NKAIN3: variants seen among roughly 807,000 people sequenced by gnomAD.
NKAIN3 encodes sodium/potassium transporting ATPase interacting 3, also known as sodium/potassium-transporting ATPase subunit beta-1-interacting protein 3.
Under a neutral mutation model 30.2 loss-of-function variants are expected in NKAIN3, and 25 were observed. The observed-to-expected ratio is 0.83, with a 90% CI of 0.60 to 1.16. The LOEUF is 1.16. Ranked by LOEUF, NKAIN3 falls within the 50% of genes most tolerant of loss-of-function variation. The probability of loss-of-function intolerance (pLI) is 0.00; values close to 1 mark genes in which losing one functional copy is unlikely to be tolerated. For synonymous variants in NKAIN3, 91 were observed against 89.6 expected (o/e 1.02, Z -0.09); for missense variants, 225 against 254.1 (o/e 0.89, Z 0.78).
intron 1 of NKAIN3, among the ~76,000 whole-genome samples, chr8:62,497,432 A>T (rs547922046): frequency 1.3e-3 from 195 of 149,044 alleles, no homozygotes; most frequent in African/African-American, 4.6e-3. Flanking sequence ...AGTATAACCT[A>T]TTTTTTTTTT....
intron 3 of NKAIN3, among the ~76,000 whole-genome samples, chr8:62,619,699 A>T (rs552602501): frequency 2.3e-5 from 1 of 44,042 alleles, no homozygotes; most frequent in African/African-American, 5.4e-4. Context: ...CAAATATTGT[A>T]AAAAAAAAAA....
chr8:62,955,740 T>C (rs1823402574), intron 6 of NKAIN3, among the ~76,000 whole-genome samples: 1 of 152,180 alleles, frequency 6.6e-6, no homozygotes, highest in African/African-American at 2.4e-5. Flanking sequence ...GGCAAGTGAC[T>C]TCCACTTATG....
At chr8:62,662,335 C>T (rs1440654044) in intron 3 of NKAIN3, among the ~76,000 whole-genome samples, 3 of 152,294 alleles carry the variant, frequency 2.0e-5, no homozygotes, top group South Asian at 2.1e-4. Flanking sequence ...ACATTCTCAT[C>T]GTGTTCATGG....
chr8:62,602,233 A>G (rs925524377), intron 3 of NKAIN3, among the ~76,000 whole-genome samples: 1 of 152,086 alleles, frequency 6.6e-6, no homozygotes, highest in African/African-American at 2.4e-5. Context: ...TGAATATATT[A>G]TTCTATCAAC....
intron 1 of NKAIN3, among the ~76,000 whole-genome samples, chr8:62,412,401 G>C (rs543961635): frequency 6.6e-6 from 1 of 152,016 alleles, no homozygotes; most frequent in African/African-American, 2.4e-5. Context: ...GATTGAAGCT[G>C]GACCCCTACC....
intron 5 of NKAIN3, among the ~76,000 whole-genome samples, chr8:62,948,654 A>T (rs892226294): frequency 5.9e-5 from 9 of 152,238 alleles, no homozygotes; most frequent in African/African-American, 2.2e-4. Context: ...ATGAAAGCAA[A>T]GTCCTTATCA....
intron 1 of NKAIN3, among the ~76,000 whole-genome samples, chr8:62,461,707 G>A (rs898511088): frequency 1.3e-5 from 2 of 152,138 alleles, no homozygotes; most frequent in African/African-American, 4.8e-5. Context: ...TCAGAGTTGA[G>A]CCAATAGAAG....
chr8:62,288,405 CG>C (rs1322528295), intron 1 of NKAIN3, among the ~76,000 whole-genome samples: 2 of 152,082 alleles, frequency 1.3e-5, no homozygotes, highest in African/African-American at 2.4e-5. Flanking sequence ...ACCTACCTGA[CG>C]ACAGGCCCTG....
chr8:62,612,710 T>C (rs1811333873), intron 3 of NKAIN3, among the ~76,000 whole-genome samples: 1 of 152,030 alleles, frequency 6.6e-6, no homozygotes, highest in Non-Finnish European at 1.5e-5. Flanking sequence ...TGTCTTCCTC[T>C]AGTGAAGGTA....
At chr8:62,881,297 C>G (rs1367214998) in intron 4 of NKAIN3, among the ~76,000 whole-genome samples, 1 of 152,190 alleles carries the variant, frequency 6.6e-6, no homozygotes, top group African/African-American at 2.4e-5. Flanking sequence ...TCATCTGTTC[C>G]TCCCTATAGT....
intron 3 of NKAIN3, among the ~76,000 whole-genome samples, chr8:62,638,060 G>A (rs1180750084): frequency 6.6e-6 from 1 of 152,092 alleles, no homozygotes; most frequent in African/African-American, 2.4e-5. Context: ...CTGCCTTGTG[G>A]AAATATGTAA....
In NKAIN3 at chr8:62,970,071, T is replaced by G. The variant is rs569042554; in HGVS notation, c.*4664T>G. Among the ~76,000 whole-genome samples, 59 of 151,722 alleles carry G rather than the reference T, an allele frequency of 3.9e-4. No individual in the cohort carries two copies. The highest frequency in any genetic ancestry group is 1.4e-3 in the African/African-American group (58 of 41,392). On this transcript the variant is annotated 3_prime_UTR_variant, in exon 7 of 7. Coordinates refer to ENST00000623646, the MANE Select transcript of NKAIN3 (RefSeq NM_001304533.3). ...AAACAAAAAATACCTAAAAAAAAAT[T>G]TAAATTAGCCAAGCATGGTGGCATG...
intron 1 of NKAIN3, among the ~76,000 whole-genome samples, chr8:62,294,514 A>G (rs1488922669): frequency 1.3e-5 from 2 of 152,168 alleles, no homozygotes; most frequent in African/African-American, 4.8e-5. Flanking sequence ...CCTGCTCCAT[A>G]GAGATTTGCT....
intron 1 of NKAIN3, among the ~76,000 whole-genome samples, chr8:62,381,752 A>G (rs1357534250): frequency 6.6e-6 from 1 of 152,206 alleles, no homozygotes; most frequent in Non-Finnish European, 1.5e-5. Context: ...TCTTTCCAAT[A>G]CATGATAGTT....
chr8:62,985,610 T>A (rs1465983833), downstream of NKAIN3, among the ~76,000 whole-genome samples: 1 of 152,252 alleles, frequency 6.6e-6, no homozygotes, highest in Non-Finnish European at 1.5e-5. Context: ...AACACTTTAT[T>A]CTTTACATTA....
At chr8:62,580,580 A>G (rs1810257670) in intron 2 of NKAIN3, among the ~76,000 whole-genome samples, 2 of 152,192 alleles carry the variant, frequency 1.3e-5, no homozygotes, top group African/African-American at 2.4e-5. Flanking sequence ...CCATTTTGAC[A>G]TAATCTAATT....
chr8:62,361,343 C>A (rs1160192334), intron 1 of NKAIN3, among the ~76,000 whole-genome samples: 1 of 152,160 alleles, frequency 6.6e-6, no homozygotes, highest in East Asian at 1.9e-4. Flanking sequence ...GAAGTGCTAC[C>A]AAATTTATTT....
intron 1 of NKAIN3, among the ~76,000 whole-genome samples, chr8:62,460,379 C>G (rs923077092): frequency 1.3e-5 from 2 of 149,594 alleles, no homozygotes; most frequent in Admixed American, 6.7e-5. Context: ...CCATTGCACT[C>G]CAGCCTGGGT....
intron 4 of NKAIN3, among the ~76,000 whole-genome samples, chr8:62,819,824 C>A (rs1818798536): frequency 6.6e-6 from 1 of 151,882 alleles, no homozygotes. Context: ...AACCTTCTAC[C>A]CAAAAGACTG....
Sources: gnomAD v4.1 joint callset for allele counts (sites outside exome capture counted in the v4.1 genomes callset) on GRCh38, gnomAD v4.1.1 for gene constraint, MANE v1.5 for transcripts, NCBI Gene and HGNC (gene_info 2026-07-23, HGNC 2026-07-21) for gene names.